SULT1A2: variants seen among roughly 807,000 people sequenced by gnomAD.
SULT1A2 encodes sulfotransferase 1A2.
In SULT1A2, 33 loss-of-function variants were observed where a neutral mutation model predicts 36.0. The observed-to-expected ratio is 0.92, with a 90% CI of 0.69 to 1.22. The LOEUF (loss-of-function observed/expected upper bound fraction) is 1.22, where lower values mean the gene tolerates loss of function less well. Among genes scored for constraint, SULT1A2 ranks in the 50% most tolerant of loss-of-function variants. The pLI is 0.00. For synonymous variants in SULT1A2, 138 were observed against 144.5 expected, an observed-to-expected ratio of 0.96 and a Z score of 0.32; for missense variants, 367 against 383.2, an observed-to-expected ratio of 0.96 and a Z score of 0.35.
chr16:28,593,662 C>CT, intron 4 of SULT1A2, 94 bp from the exon 5 acceptor site: 1 of 1,577,006 alleles, frequency 6.3e-7, no homozygotes, highest in African/African-American at 1.3e-5. Flanking sequence ...GAAGCTGAGG[C>CT]TTAGAGGCTG....
chr16:28,593,201 A>T (rs540869592), intron 6 of SULT1A2, 51 bp downstream of exon 6: 1 of 1,610,094 alleles, frequency 6.2e-7, no homozygotes, highest in Non-Finnish European at 8.5e-7. Context: ...GTCCCTGTGA[A>T]GTGCCTGCCC....
At chr16:28,593,131 T>C in intron 6 of SULT1A2, 121 bp downstream of exon 6, 1 of 1,429,002 alleles carries the variant, frequency 7.0e-7, no homozygotes, top group Non-Finnish European at 9.5e-7. Context: ...GGAGTCAAGA[T>C]GGGGAATCCG....
At position 28,593,445 on chromosome 16, in the gene SULT1A2, C is replaced by T. The variant is rs1404157824; in HGVS notation, c.496G>A (p.Glu166Lys). Reference protein sequence around the residue: ...ESFLEKFMAGEVSYGSWYQHV... With the variant: ...ESFLEKFMAGKVSYGSWYQHV... ...TCCTTCCTCCCATCAAGCCCACCTT[C>T]TCCAGCCATGAACTTCTCCAGGAAG... Residue 166 changes from glutamate (E) to lysine (K), a missense_variant, in exon 5 of 8, where the codon GAA becomes AAA. Coordinates refer to ENST00000335715, the MANE Select transcript of SULT1A2 (RefSeq NM_001054.4). 4 of 1,614,206 alleles carry T rather than the reference C, an allele frequency of 2.5e-6. No homozygotes were observed. Among genetic ancestry groups the T allele is most frequent in the African/African-American group, 1.3e-5 (1 of 75,054 alleles).
chr16:28,594,115 G>GT (rs1203480422), intron 4 of SULT1A2, among the ~76,000 whole-genome samples: 4 of 149,164 alleles, frequency 2.7e-5, no homozygotes, highest in Non-Finnish European at 4.5e-5. Context: ...TTTGGGGGGG[G>GT]GGACTCTAGG....
chr16:28,593,629 C>T (rs11569773), intron 4 of SULT1A2, 61 bp from the exon 5 acceptor site: 188 of 1,605,246 alleles, frequency 1.2e-4, no homozygotes, highest in Non-Finnish European at 1.4e-4. Flanking sequence ...CAGGCCAGCT[C>T]ATCTCTTGGT....
intron 6 of SULT1A2, 43 bp downstream of exon 6, chr16:28,593,209 C>T (rs746855594): frequency 3.1e-6 from 5 of 1,610,990 alleles, no homozygotes; most frequent in Non-Finnish European, 4.2e-6. Flanking sequence ...GAAGTGCCTG[C>T]CCCCAGGTGT....
At position 28,593,261 on chromosome 16, in the gene SULT1A2, G is replaced by C; in HGVS notation, c.585C>G (p.Asp195Glu). Residue 195 changes from aspartate (D) to glutamate (E), a missense_variant, in exon 6 of 8, where the codon GAC becomes GAG. By Grantham distance (45) the Asp-to-Glu change is conservative. Coordinates refer to ENST00000335715, the MANE Select transcript of SULT1A2 (RefSeq NM_001054.4). ...TCAAAGGCGGTCTCACCTCCTTCAT[G>C]TCTTCATAGAAGAGGTAGAGAACAG... is the stretch of plus-strand genomic sequence containing the variant. ...THPVLYLFYE[D>E]MKENPKREIQ... 1 of 1,613,822 alleles carries C rather than the reference G, an allele frequency of 6.2e-7. No individual in the cohort carries two copies. The highest frequency in any genetic ancestry group is 2.2e-5 in the East Asian group (1 of 44,876).
intron 3 of SULT1A2, 33 bp downstream of exon 3, chr16:28,595,517 C>T (rs1419565794): frequency 3.1e-6 from 5 of 1,614,140 alleles, no homozygotes; most frequent in Non-Finnish European, 4.2e-6. Context: ...GCCCTGTCTT[C>T]CTCCACTCCC....
chr16:28,594,231 C>T (rs559444133), intron 4 of SULT1A2, among the ~76,000 whole-genome samples: 1 of 152,168 alleles, frequency 6.6e-6, no homozygotes, highest in African/African-American at 2.4e-5. Flanking sequence ...ACGTTGACCT[C>T]CCAGGCTCAA....
At chr16:28,594,096 T>G (rs1433891102) in intron 4 of SULT1A2, among the ~76,000 whole-genome samples, 4 of 133,228 alleles carry the variant, frequency 3.0e-5, no homozygotes, top group Non-Finnish European at 3.4e-5. Context: ...GTTGTGGTTT[T>G]TTTTTTTTTT....
intron 4 of SULT1A2, among the ~76,000 whole-genome samples, chr16:28,594,768 C>T (rs577115540): frequency 9.0e-6 from 1 of 110,596 alleles, no homozygotes; most frequent in Admixed American, 9.8e-5. Context: ...TGCCACCTGC[C>T]GCTTTTTTTT....
chr16:28,594,198 T>C (rs2032341592), intron 4 of SULT1A2, among the ~76,000 whole-genome samples: 1 of 151,178 alleles, frequency 6.6e-6, no homozygotes, highest in African/African-American at 2.4e-5. Flanking sequence ...TGGAGTGCAC[T>C]GGAGTGAGAA....
chr16:28,596,520 C>T lies in SULT1A2; in HGVS notation c.-5+477G>A. On this transcript the variant is annotated intron_variant, in intron 1 of 7. Transcript: ENST00000335715. Reference sequence around the variant, plus strand: ...CTGAGCTGGTATTGGGGGCCAGAGCCTGATGTGGGAATGAGCAAAACTGTG... The same window carrying T: ...CTGAGCTGGTATTGGGGGCCAGAGCTTGATGTGGGAATGAGCAAAACTGTG... 3 of 470,864 alleles carry T rather than the reference C, an allele frequency of 6.4e-6. No individual in the cohort carries two copies. In the South Asian group the frequency reaches 8.5e-5, roughly 13 times the overall value. 29.2% of individuals were successfully genotyped at this position (470,864 alleles called of 1,614,324 possible).
chr16:28,596,014 A>C, intron 1 of SULT1A2, 80 bp from the exon 2 acceptor site: 1 of 1,583,558 alleles, frequency 6.3e-7, no homozygotes, highest in Non-Finnish European at 8.6e-7. Flanking sequence ...CTTTCAGGGA[A>C]GTCACTGAGG....
rs766233374 is a variant in SULT1A2 at position 28,595,783 on chromosome 16, C to G, written c.148G>C (p.Gly50Arg). 3.7e-6 allele frequency: 6 copies of G among 1,612,770 alleles called. No individual in the cohort carries two copies. Among genetic ancestry groups the G allele is most frequent in the South Asian group, 2.2e-5 (2 of 91,026 alleles). Reference sequence around the variant, plus strand: ...AGGGTGGGTGGCCCTCCTCACCTACCGGACTTGGGGTAGGTGCTGATGAGC... The same window carrying G: ...AGGGTGGGTGGCCCTCCTCACCTACGGGACTTGGGGTAGGTGCTGATGAGC... ...DLLISTYPKS[G>R]TTWVSQILDM... Residue 50 changes from glycine (G) to arginine (R), a missense_variant and splice_region_variant, in exon 2 of 8, where the codon GGC becomes CGC. Gly to Arg is a moderately radical substitution (Grantham distance 125). Transcript: ENST00000335715.
chr16:28,596,831 GAAAA>G, intron 1 of SULT1A2, 162 bp downstream of exon 1: 4 of 347,626 alleles, frequency 1.2e-5, no homozygotes, highest in South Asian at 2.8e-5. Context: ...GGCCTCCCCG[GAAAA>G]AAAAAAAAGG....
rs368462012 is a variant in SULT1A2, at chr16:28,593,355, G to A, written c.500-9C>T. Reference sequence around the variant, plus strand: ...CCAGGACCCATAGGACACTGGAGAAGCGGGCAGGGAGTGCCGACACAGGGT... The same window carrying A: ...CCAGGACCCATAGGACACTGGAGAAACGGGCAGGGAGTGCCGACACAGGGT... On this transcript the variant is annotated splice_polypyrimidine_tract_variant and intron_variant, in intron 5 of 7. Coordinates refer to ENST00000335715, the MANE Select transcript of SULT1A2 (RefSeq NM_001054.4). 15 of 1,614,074 alleles carry A rather than the reference G, an allele frequency of 9.3e-6. No homozygotes were observed. Among genetic ancestry groups the A allele is most frequent in the African/African-American group, 1.3e-5 (1 of 74,912 alleles).
chr16:28,591,977 T>A lies in SULT1A2; in HGVS notation c.*51A>T, dbSNP rs1008833593. ...AATCATACTTTATTCTGGAGCCTCT[T>A]GGTCAGGCTTGATTCGCACACTCCC... On this transcript the variant is annotated 3_prime_UTR_variant, in exon 8 of 8. Coordinates refer to ENST00000335715, the MANE Select transcript of SULT1A2 (RefSeq NM_001054.4). The A allele has an allele frequency of 1.9e-6, 3 of 1,611,692 alleles. No individual in the cohort carries two copies. The African/African-American group carries it at 4.0e-5, about 22-fold the overall frequency.
At position 28,593,538 on chromosome 16, in the gene SULT1A2, C is replaced by T. The variant is rs199742885; in HGVS notation, c.403G>A (p.Val135Met). The change falls in exon 5 of 8, where the codon GTG (valine) becomes ATG (methionine). Residue 135 changes from valine to methionine, a missense_variant. Transcript: ENST00000335715. ...VVYVARNAKDVAVSYYHFYHM... is the reference protein window; with the variant it reads ...VVYVARNAKDMAVSYYHFYHM... ...TAGAAGTGGTAGTAGGAAACCGCCA[C>T]ATCCTTTGCGTTGCGGGCAACATAG... 1 of 1,614,210 alleles carries T rather than the reference C, an allele frequency of 6.2e-7. No homozygotes were observed. Among genetic ancestry groups the T allele is most frequent in the African/African-American group, 1.3e-5 (1 of 75,044 alleles).
Sources: gnomAD v4.1 joint callset for allele counts (sites outside exome capture counted in the v4.1 genomes callset) on GRCh38, gnomAD v4.1.1 for gene constraint, MANE v1.5 for transcripts, NCBI Gene and HGNC (gene_info 2026-07-23, HGNC 2026-07-21) for gene names.